Variants in CDH23 observed in about 807,000 individuals in gnomAD.
The protein encoded by CDH23 is cadherin-23.
Under a neutral mutation model 317.1 loss-of-function variants are expected in CDH23, and 189 were observed. That is an observed-to-expected ratio of 0.60 (90% CI 0.53 to 0.67). The LOEUF (loss-of-function observed/expected upper bound fraction) is 0.67. Among genes scored for constraint, CDH23 ranks in the 30% least tolerant of loss-of-function variants. The pLI, the probability that CDH23 is intolerant of heterozygous loss-of-function variation, is 0.00. For missense variants in CDH23, 4,401 were observed against 4,592.4 expected, an observed-to-expected ratio of 0.96 and a Z score of 1.20; for synonymous variants, 1,839 against 1,876.8, an observed-to-expected ratio of 0.98 and a Z score of 0.52.
At chr10:71,492,938 G>C (rs1009479737) in intron 3 of CDH23, among the ~76,000 whole-genome samples, 3 of 152,186 alleles carry the variant, frequency 2.0e-5, no homozygotes, top group African/African-American at 7.2e-5. Flanking sequence ...CAAGGCCAAA[G>C]AAGTGGGGCA....
intron 18 of CDH23, among the ~76,000 whole-genome samples, chr10:71,687,348 G>A (rs1456045865): frequency 6.6e-6 from 1 of 152,128 alleles, no homozygotes; most frequent in Non-Finnish European, 1.5e-5. Flanking sequence ...GGGAGCCTGG[G>A]GAGCTGGCAG....
chr10:71,560,405 A>G (rs557865258), intron 6 of CDH23, among the ~76,000 whole-genome samples: 1 of 152,074 alleles, frequency 6.6e-6, no homozygotes, highest in East Asian at 1.9e-4. Flanking sequence ...TCTTACCTAG[A>G]GGCGTCTTCA....
chr10:71,543,754 C>A (rs1438474687), intron 6 of CDH23, among the ~76,000 whole-genome samples: 1 of 152,190 alleles, frequency 6.6e-6, no homozygotes, highest in Non-Finnish European at 1.5e-5. Context: ...GGAGCTGAAC[C>A]TCCCAGCACC....
chr10:71,643,730 G>A, intron 11 of CDH23, 131 bp from the exon 12 acceptor site: 1 of 674,612 alleles, frequency 1.5e-6, no homozygotes, highest in Non-Finnish European at 2.7e-6. Flanking sequence ...CCTCTAGGGT[G>A]TGATCCTGGG....
At chr10:71,663,461 C>T (rs1360626240) in intron 14 of CDH23, among the ~76,000 whole-genome samples, 2 of 152,226 alleles carry the variant, frequency 1.3e-5, no homozygotes, top group African/African-American at 4.8e-5. Context: ...TCCAGGAAGC[C>T]CTGACTGACT....
chr10:71,640,855 A>G (rs1007262569), intron 11 of CDH23, among the ~76,000 whole-genome samples: 1 of 152,242 alleles, frequency 6.6e-6, no homozygotes, highest in Non-Finnish European at 1.5e-5. Context: ...TGCATTTCTA[A>G]CAAGCTCCAG....
chr10:71,758,047 A>C (rs1415052509), intron 38 of CDH23, among the ~76,000 whole-genome samples: 6 of 152,170 alleles, frequency 3.9e-5, no homozygotes, highest in Admixed American at 2.6e-4. Context: ...AGAGGCTGGC[A>C]CTGGGGCTGG....
chr10:71,402,906 G>A (rs745950819), intron 1 of CDH23, among the ~76,000 whole-genome samples: 8 of 152,162 alleles, frequency 5.3e-5, no homozygotes, highest in Non-Finnish European at 8.8e-5. Context: ...CACGAGGTCA[G>A]CAGATCGAGA....
intron 37 of CDH23, 89 bp downstream of exon 37, chr10:71,741,039 C>G: frequency 6.9e-7 from 1 of 1,447,338 alleles, no homozygotes; most frequent in African/African-American, 1.4e-5. Context: ...AAATGTCTGC[C>G]TGGCCCACTG....
At chr10:71,636,109 C>T (rs372657307) in intron 11 of CDH23, among the ~76,000 whole-genome samples, 1 of 151,480 alleles carries the variant, frequency 6.6e-6, no homozygotes, top group African/African-American at 2.4e-5. Flanking sequence ...GAAATGAGGG[C>T]GAGATAAAGA....
intron 3 of CDH23, among the ~76,000 whole-genome samples, chr10:71,496,965 G>C (rs1853009512): frequency 6.6e-6 from 1 of 152,184 alleles, no homozygotes; most frequent in Non-Finnish European, 1.5e-5. Context: ...TCGTAGTGGA[G>C]AGTCATCCTC....
At chr10:71,753,652 C>G (rs1589397938) in intron 38 of CDH23, among the ~76,000 whole-genome samples, 1 of 152,332 alleles carries the variant, frequency 6.6e-6, no homozygotes, top group African/African-American at 2.4e-5. Context: ...CCCCACCCCC[C>G]AAACTGGCCA....
At chr10:71,511,046 G>A (rs1269254010) in intron 5 of CDH23, 45 bp downstream of exon 5, 1 of 1,611,634 alleles carries the variant, frequency 6.2e-7, no homozygotes, top group Non-Finnish European at 8.5e-7. Context: ...TGGGGTCACA[G>A]GATTTCTGGA....
At chr10:71,801,374 G>A (rs1033179703) in intron 53 of CDH23, among the ~76,000 whole-genome samples, 11 of 151,736 alleles carry the variant, frequency 7.2e-5, no homozygotes, top group Middle Eastern at 3.2e-3. Flanking sequence ...GGCTGGTCTC[G>A]AACTCCCGAC....
At chr10:71,813,386 C>A in intron 69 of CDH23, 38 bp downstream of exon 69, 1 of 1,500,048 alleles carries the variant, frequency 6.7e-7, no homozygotes, top group Non-Finnish European at 9.1e-7. Flanking sequence ...GTGCTGTGCC[C>A]CAGCCTGGGG....
rs1839793995 is a variant in CDH23, at chr10:71,743,856, C to T, written c.4845+1935C>T. 3.3e-5 allele frequency among the ~76,000 whole-genome samples: 5 copies of T among 152,226 alleles called. No individual in the cohort carries two copies. The South Asian group carries it at 1.0e-3, about 32-fold the overall frequency. ...TTCTACAGAGAATGTGGATTTCAGGCTCAGAGGTGTCAGAGCTCATGTTTC... is the reference window on the plus strand; with the variant it reads ...TTCTACAGAGAATGTGGATTTCAGGTTCAGAGGTGTCAGAGCTCATGTTTC... On this transcript the variant is annotated intron_variant, in intron 38 of 69. Coordinates refer to ENST00000224721, the MANE Select transcript of CDH23 (RefSeq NM_022124.6).
chr10:71,562,880 G>C (rs1857202648), intron 6 of CDH23, among the ~76,000 whole-genome samples: 1 of 152,040 alleles, frequency 6.6e-6, no homozygotes, highest in Non-Finnish European at 1.5e-5. Flanking sequence ...CTCTCGGCCT[G>C]TCATGGTGCC....
At position 71,449,675 on chromosome 10, in the gene CDH23, C is replaced by T. The variant is rs558065282; in HGVS notation, c.145+3280C>T. ...TTTAAGAATCAGAGGTAGAGTTGGG[C>T]TACAGGGTCTATCTATATGTAGCTT... On this transcript the variant is annotated intron_variant, in intron 3 of 69. Coordinates refer to ENST00000224721, the MANE Select transcript of CDH23 (RefSeq NM_022124.6). 2.0e-5 allele frequency among the ~76,000 whole-genome samples: 3 copies of T among 152,292 alleles called. 1 individual carries two copies. The South Asian group carries it at 6.2e-4, about 32-fold the overall frequency.
intron 3 of CDH23, among the ~76,000 whole-genome samples, chr10:71,450,558 G>A (rs1400914130): frequency 6.6e-6 from 1 of 152,160 alleles, no homozygotes; most frequent in African/African-American, 2.4e-5. Context: ...GTGAGCCACC[G>A]CGTCTTGCCC....
Sources: allele counts gnomAD v4.1 joint callset (sites outside exome capture counted in the v4.1 genomes callset), GRCh38; gene constraint gnomAD v4.1.1; transcripts MANE v1.5; gene names NCBI Gene and HGNC (gene_info 2026-07-23, HGNC 2026-07-21).